Variants in DLGAP2 observed in about 807,000 individuals in gnomAD.
The protein encoded by DLGAP2 is disks large-associated protein 2.
In DLGAP2, 26 loss-of-function variants were observed where a neutral mutation model predicts 100.3. That is an observed-to-expected ratio of 0.26 (90% CI 0.19 to 0.36). DLGAP2 has a LOEUF of 0.36. Among genes scored for constraint, DLGAP2 ranks in the 10% least tolerant of loss-of-function variants. The pLI, the probability that DLGAP2 is intolerant of heterozygous loss-of-function variation, is 1.00. For missense variants in DLGAP2, 1,858 were observed against 1,453.2 expected (o/e 1.28, Z -4.53); for synonymous variants, 886 against 630.1 (o/e 1.41, Z -6.08).
intron 1 of DLGAP2, among the ~76,000 whole-genome samples, chr8:814,231 A>G (rs972231003): frequency 5.3e-5 from 8 of 152,208 alleles, no homozygotes; most frequent in African/African-American, 1.7e-4. Context: ...CAGTTTTGGT[A>G]ACTGAGTTAA....
At chr8:877,215 A>G (rs2128992641) in intron 1 of DLGAP2, among the ~76,000 whole-genome samples, 1 of 151,888 alleles carries the variant, frequency 6.6e-6, no homozygotes, top group African/African-American at 2.4e-5. Flanking sequence ...ATGTCTCATG[A>G]TTTTTTGTCA....
intron 2 of DLGAP2, among the ~76,000 whole-genome samples, chr8:912,214 A>T (rs1207296692): frequency 6.6e-6 from 1 of 152,190 alleles, no homozygotes; most frequent in Non-Finnish European, 1.5e-5. Context: ...CCTCAAACAG[A>T]TCAAGCATGC....
chr8:1,197,859 T>C (rs1202934050), intron 2 of DLGAP2, among the ~76,000 whole-genome samples: 1 of 152,166 alleles, frequency 6.6e-6, no homozygotes, highest in Non-Finnish European at 1.5e-5. Context: ...GAATCAGGTT[T>C]CTCGTCTCCT....
rs1355802708 is a variant in DLGAP2, at chr8:946,440, G to GT, written c.73+38479dup. Among the ~76,000 whole-genome samples the GT allele has an allele frequency of 2.6e-5, 4 of 151,604 alleles. No individual in the cohort carries two copies. In the East Asian group the frequency reaches 5.9e-4, roughly 22 times the overall value. On this transcript the variant is annotated intron_variant, in intron 2 of 14. Transcript: ENST00000637795. ...CACCACGCCCGGCTAATTTTTTGTA[G>GT]TTTTTGTAGAGACGGGGTTTCACCA...
At chr8:1,676,143 T>A (rs1798806104) in intron 10 of DLGAP2, among the ~76,000 whole-genome samples, 1 of 152,222 alleles carries the variant, frequency 6.6e-6, no homozygotes, top group African/African-American at 2.4e-5. Flanking sequence ...TTTAAATCGC[T>A]TATTTGTTGT....
chr8:1,382,133 C>T (rs1796112025), intron 3 of DLGAP2, among the ~76,000 whole-genome samples: 1 of 152,230 alleles, frequency 6.6e-6, no homozygotes, highest in South Asian at 2.1e-4. Flanking sequence ...GAAGCCTAAG[C>T]AATAATACAG....
At chr8:1,583,784 T>A (rs141454343) in intron 6 of DLGAP2, among the ~76,000 whole-genome samples, 1 of 152,102 alleles carries the variant, frequency 6.6e-6, no homozygotes, top group African/African-American at 2.4e-5. Context: ...GTCTCAGCTT[T>A]CTGTTTGAGA....
chr8:1,269,596 T>C (rs1331399151), intron 3 of DLGAP2, among the ~76,000 whole-genome samples: 1 of 152,196 alleles, frequency 6.6e-6, no homozygotes, highest in Non-Finnish European at 1.5e-5. Flanking sequence ...TTGGTACATC[T>C]AACAATAATG....
At chr8:1,579,184 G>T (rs2130631562) in intron 6 of DLGAP2, among the ~76,000 whole-genome samples, 1 of 151,860 alleles carries the variant, frequency 6.6e-6, no homozygotes, top group South Asian at 2.1e-4. Flanking sequence ...AATGTCTCTG[G>T]GTCATTCTCT....
intron 1 of DLGAP2, among the ~76,000 whole-genome samples, chr8:804,167 CAT>C (rs1796223288): frequency 1.3e-5 from 2 of 152,138 alleles, no homozygotes; most frequent in East Asian, 1.9e-4. Flanking sequence ...GAGGGAGAAT[CAT>C]ATATTTGTTT....
intron 3 of DLGAP2, among the ~76,000 whole-genome samples, chr8:1,357,232 T>G (rs1425097978): frequency 2.0e-5 from 3 of 151,930 alleles, no homozygotes; most frequent in Non-Finnish European, 4.4e-5. Context: ...CACTCACAGC[T>G]CTCAGACTGC....
At chr8:1,521,207 C>A (rs555194752) in intron 4 of DLGAP2, among the ~76,000 whole-genome samples, 1 of 81,690 alleles carries the variant, frequency 1.2e-5, no homozygotes, top group Non-Finnish European at 2.6e-5. Context: ...TTGGAATACT[C>A]GGGGGCAGGT....
At chr8:1,095,835 T>A (rs1251727367) in intron 2 of DLGAP2, among the ~76,000 whole-genome samples, 1 of 152,154 alleles carries the variant, frequency 6.6e-6, no homozygotes, top group Non-Finnish European at 1.5e-5. Context: ...TAGGAAGAGC[T>A]TATTTATTTT....
At chr8:916,976 G>A (rs977449489) in intron 2 of DLGAP2, among the ~76,000 whole-genome samples, 1 of 152,202 alleles carries the variant, frequency 6.6e-6, no homozygotes, top group African/African-American at 2.4e-5. Context: ...CCTCAGGACT[G>A]GAAGGGCCTC....
chr8:1,506,971 G>A (rs59715498), intron 4 of DLGAP2, among the ~76,000 whole-genome samples: 8,882 of 152,256 alleles, frequency 0.058, 897 homozygotes, highest in African/African-American at 0.2. Context: ...AGATTAGCTA[G>A]ATACAGGGTG....
chr8:1,695,920 C>T (rs190186271), intron 13 of DLGAP2, among the ~76,000 whole-genome samples: 127 of 152,332 alleles, frequency 8.3e-4, no homozygotes, highest in African/African-American at 3.1e-3. Context: ...TCCTGGGGAG[C>T]TCCTCAAGTG....
At chr8:1,599,995 T>C (rs998051942) in intron 6 of DLGAP2, among the ~76,000 whole-genome samples, 1 of 152,246 alleles carries the variant, frequency 6.6e-6, no homozygotes, top group African/African-American at 2.4e-5. Flanking sequence ...GGTATGTTTT[T>C]GCAGTGGCTG....
At position 1,203,261 on chromosome 8, in the gene DLGAP2, GT is replaced by G. The variant is rs1411404701; in HGVS notation, c.74-55589del. 7.1e-4 allele frequency among the ~76,000 whole-genome samples: 107 copies of G among 149,848 alleles called. 1 individual carries two copies. Among genetic ancestry groups the G allele is most frequent in the African/African-American group, 2.5e-3 (103 of 40,924 alleles). ...GTGTTAGAATCCATGAGACTAGTGTGTCCTTCGGTGATGAGGCCGCCCACCC... is the reference window on the plus strand; with the variant it reads ...GTGTTAGAATCCATGAGACTAGTGTGCCTTCGGTGATGAGGCCGCCCACCC... On this transcript the variant is annotated intron_variant, in intron 2 of 14. Coordinates refer to ENST00000637795, the MANE Select transcript of DLGAP2 (RefSeq NM_001346810.2).
chr8:1,239,951 T>C (rs374499859), intron 2 of DLGAP2, among the ~76,000 whole-genome samples: 1 of 144,854 alleles, frequency 6.9e-6, no homozygotes, highest in African/African-American at 2.6e-5. Context: ...CATGTTGCCG[T>C]GTCTAGTTCT....
Sources: allele counts gnomAD v4.1 joint callset (sites outside exome capture counted in the v4.1 genomes callset), GRCh38; gene constraint gnomAD v4.1.1; transcripts MANE v1.5; gene names NCBI Gene and HGNC (gene_info 2026-07-23, HGNC 2026-07-21).